Variants in SMAD5 observed in about 807,000 individuals in gnomAD.
SMAD5 encodes the protein SMAD family member 5.
A neutral mutation model predicts 43.1 loss-of-function variants in SMAD5; 9 were observed. The observed-to-expected ratio is 0.21, with a 90% CI of 0.13 to 0.36. SMAD5 has a LOEUF of 0.36. SMAD5 is among the 10% of genes least tolerant of loss of function. SMAD5 has a pLI of 1.00. For synonymous variants in SMAD5, 190 were observed against 192.4 expected (o/e 0.99, Z 0.10); for missense variants, 348 against 574.0 (o/e 0.61, Z 4.02).
chr5:136,152,700 G>C (rs1234063638), intron 2 of SMAD5: 1 of 152,104 alleles, frequency 6.6e-6, no homozygotes, highest in African/African-American at 2.4e-5. Context: ...ATGTTGCTCA[G>C]ACTGGACGTG....
chr5:136,172,606 T>C lies in SMAD5; in HGVS notation c.948T>C (p.Asn316=). 1 of 1,613,448 alleles carries C rather than the reference T, an allele frequency of 6.2e-7. No homozygotes were observed. Residue 316 remains asparagine (N), a synonymous_variant, in exon 6 of 8, where the codon AAT becomes AAC. Transcript: ENST00000545279. Reference sequence around the variant, plus strand: ...GATTCTGCTTGGGTTTGTTGTCAAATGTTAATCGTAATTCGACAATTGAAA... The same window carrying C: ...GATTCTGCTTGGGTTTGTTGTCAAACGTTAATCGTAATTCGACAATTGAAA... ...KSRFCLGLLS[N]VNRNSTIENT...
At chr5:136,172,763 T>C in intron 6 of SMAD5, 108 bp downstream of exon 6, 1 of 754,712 alleles carries the variant, frequency 1.3e-6, no homozygotes, top group Non-Finnish European at 2.3e-6. Context: ...GTTTGACACG[T>C]GGCCTCTGCC....
chr5:136,155,569 C>T (rs1341073053), intron 3 of SMAD5, among the ~76,000 whole-genome samples: 10 of 152,202 alleles, frequency 6.6e-5, no homozygotes, highest in Admixed American at 6.5e-4. Flanking sequence ...GGCTGTCACA[C>T]TTAAAGAGAT....
chr5:136,170,144 T>TA (rs1035842390), intron 5 of SMAD5, among the ~76,000 whole-genome samples: 1 of 152,052 alleles, frequency 6.6e-6, no homozygotes, highest in African/African-American at 2.4e-5. Context: ...GAATTGTACC[T>TA]AAAAAAAGGC....
chr5:136,153,653 T>TA lies in SMAD5; in HGVS notation c.-106dup. The TA allele has an allele frequency of 1.2e-6, 1 of 855,328 alleles. No individual in the cohort carries two copies. The highest frequency in any genetic ancestry group is 1.8e-6 in the Non-Finnish European group (1 of 554,992). The allele number at this position is 855,328 out of a possible 1,614,324, so 53.0% of individuals were successfully genotyped here. A position where few individuals can be genotyped will look rare whatever the true frequency, so the allele number is the denominator to read the frequency against. ...AAGATAAATGTTACTCCTCCCTTTT[T>TA]AATTGGAACTTCTGCTTAGGACCTG... On this transcript the variant is annotated 5_prime_UTR_variant, in exon 3 of 8. The change creates a premature stop within an existing upstream ORF in the 5' untranslated region. Coordinates refer to ENST00000545279, the MANE Select transcript of SMAD5 (RefSeq NM_005903.7).
intron 6 of SMAD5, among the ~76,000 whole-genome samples, 188 bp from the exon 7 acceptor site, chr5:136,174,188 G>A (rs1410202287): frequency 6.6e-6 from 1 of 152,058 alleles, no homozygotes; most frequent in Non-Finnish European, 1.5e-5. Flanking sequence ...GGCTTCTCTT[G>A]TAGATGCAGG....
Position 136,160,843 on chromosome 5 carries a change from T to C in SMAD5, c.404-13T>C. 1 of 1,612,096 alleles carries C rather than the reference T, an allele frequency of 6.2e-7. No individual in the cohort carries two copies. The highest frequency in any genetic ancestry group is 8.5e-7 in the Non-Finnish European group (1 of 1,178,356). ...TCATTCCTGACAAATGACTTTTGAT[T>C]TTTGTTTTTCAGTCTTACCTCCAGT... On this transcript the variant is annotated splice_polypyrimidine_tract_variant and intron_variant, in intron 3 of 7. Transcript: ENST00000545279.
intron 7 of SMAD5, among the ~76,000 whole-genome samples, chr5:136,176,823 A>G (rs965875005): frequency 3.9e-5 from 6 of 152,218 alleles, no homozygotes; most frequent in African/African-American, 1.4e-4. Context: ...AAAGAAATTA[A>G]GAGAAAATGG....
intron 7 of SMAD5, 99 bp from the exon 8 acceptor site, chr5:136,177,238 C>T: frequency 1.0e-6 from 1 of 975,318 alleles, no homozygotes; most frequent in Non-Finnish European, 1.6e-6. Context: ...TTCTACATAT[C>T]TCTACTGTTA....
At chr5:136,145,895 CAT>C (rs1475418067) in intron 1 of SMAD5, among the ~76,000 whole-genome samples, 2 of 151,980 alleles carry the variant, frequency 1.3e-5, no homozygotes, top group East Asian at 3.9e-4. Context: ...TTGTGAAAGA[CAT>C]AGAAGCTTTT....
intron 5 of SMAD5, among the ~76,000 whole-genome samples, chr5:136,167,264 A>T (rs2149777440): frequency 6.6e-6 from 1 of 151,910 alleles, no homozygotes; most frequent in African/African-American, 2.4e-5. Flanking sequence ...ACCTGTCTTT[A>T]GGAATGGGCC....
intron 2 of SMAD5, among the ~76,000 whole-genome samples, chr5:136,148,959 T>TAATGAC (rs1753357956): frequency 6.6e-6 from 1 of 151,966 alleles, no homozygotes; most frequent in Non-Finnish European, 1.5e-5. Flanking sequence ...AACTTCTGCA[T>TAATGAC]ATGGTATACA....
rs1313035627 is a variant in SMAD5, at chr5:136,180,548, G to T, written c.*3068G>T. On this transcript the variant is annotated 3_prime_UTR_variant, in exon 8 of 8. Coordinates refer to ENST00000545279, the MANE Select transcript of SMAD5 (RefSeq NM_005903.7). The stretch of plus-strand genomic sequence containing the variant: ...AATATTTATGGTCTGGTCAGTATTG[G>T]TCTGGTCAGTATTGCCTGGCTGACG... The T allele has an allele frequency of 6.6e-6, 1 of 152,194 alleles. No homozygotes were observed. The highest frequency in any genetic ancestry group is 1.5e-5 in the Non-Finnish European group (1 of 67,974). 9.4% of individuals were successfully genotyped at this position (152,194 alleles called of 1,614,324 possible).
chr5:136,135,866 C>T (rs1752856074), intron 1 of SMAD5, among the ~76,000 whole-genome samples: 1 of 152,188 alleles, frequency 6.6e-6, no homozygotes, highest in African/African-American at 2.4e-5. Context: ...GTCTGTCTCT[C>T]TGTCTCTCTG....
Position 136,172,829 on chromosome 5 carries a change from A to AT in SMAD5, c.997+181dup, listed in dbSNP as rs959629511. ...TCAAATAAAGACATGATGTTCCCTC[A>AT]TTTTTTTGTCCTGCTTAGTGTTTCT... is the stretch of plus-strand genomic sequence containing the variant. On this transcript the variant is annotated intron_variant, in intron 6 of 7. Transcript: ENST00000545279. 10 of 587,126 alleles carry AT rather than the reference A, an allele frequency of 1.7e-5. No homozygotes were observed. In the African/African-American group the frequency reaches 1.9e-4, roughly 11 times the overall value. The allele number at this position is 587,126 out of a possible 1,614,324, so 36.4% of individuals were successfully genotyped here. A position where few individuals can be genotyped will look rare whatever the true frequency, so the allele number is the denominator to read the frequency against.
At chr5:136,160,701 T>G (rs150166607) in intron 3 of SMAD5, among the ~76,000 whole-genome samples, 155 bp from the exon 4 acceptor site, 3 of 152,262 alleles carry the variant, frequency 2.0e-5, no homozygotes, top group African/African-American at 7.2e-5. Flanking sequence ...TTTATGTAAA[T>G]AGAGATTCAG....
At chr5:136,139,380 AC>A (rs766467207) in intron 1 of SMAD5, among the ~76,000 whole-genome samples, 5 of 151,978 alleles carry the variant, frequency 3.3e-5, no homozygotes, top group Non-Finnish European at 7.4e-5. Context: ...ATAAAACTTA[AC>A]CCTGAATCTT....
chr5:136,170,812 A>G (rs1490402913), intron 5 of SMAD5, among the ~76,000 whole-genome samples: 1 of 151,992 alleles, frequency 6.6e-6, no homozygotes, highest in South Asian at 2.1e-4. Context: ...GTGCCTAAGT[A>G]TTTAATTTTG....
chr5:136,143,163 A>G (rs1159118348), intron 1 of SMAD5, among the ~76,000 whole-genome samples: 1 of 152,038 alleles, frequency 6.6e-6, no homozygotes, highest in African/African-American at 2.4e-5. Context: ...TGTTTTGGCC[A>G]TAACTAGAGT....
Sources: gnomAD v4.1 joint callset for allele counts (sites outside exome capture counted in the v4.1 genomes callset) on GRCh38, gnomAD v4.1.1 for gene constraint, MANE v1.5 for transcripts, NCBI Gene and HGNC (gene_info 2026-07-23, HGNC 2026-07-21) for gene names.